Variants in MAP1B observed in about 807,000 individuals in gnomAD.
The protein encoded by MAP1B is microtubule-associated protein 1B.
In MAP1B, 12 loss-of-function variants were observed where a neutral mutation model predicts 176.1. The observed-to-expected ratio is 0.07, with a 90% confidence interval of 0.04 to 0.11. The LOEUF is 0.11. MAP1B is among the 10% of genes least tolerant of loss of function. The pLI is 1.00. For synonymous variants in MAP1B, 1,044 were observed against 1,135.0 expected (o/e 0.92, Z 1.61); for missense variants, 2,523 against 2,990.5 (o/e 0.84, Z 3.65).
chr5:72,146,091 A>G (rs1312732304), intron 2 of MAP1B, among the ~76,000 whole-genome samples: 2 of 152,236 alleles, frequency 1.3e-5, no homozygotes, highest in African/African-American at 2.4e-5. Context: ...ACAAGAAAGT[A>G]GCCTATTAGT....
chr5:72,165,878 G>C (rs2112186500), intron 2 of MAP1B, among the ~76,000 whole-genome samples: 1 of 152,298 alleles, frequency 6.6e-6, no homozygotes, highest in South Asian at 2.1e-4. Flanking sequence ...GACAGAGCAA[G>C]CTACAAAGCC....
At chr5:72,193,721 C>A (rs1422052652) in intron 4 of MAP1B, 145 bp from the exon 5 acceptor site, 1 of 896,950 alleles carries the variant, frequency 1.1e-6, no homozygotes, top group African/African-American at 1.7e-5. Flanking sequence ...TTTAAGCAAC[C>A]AACATCACTA....
chr5:72,121,068 G>A (rs997270230), intron 2 of MAP1B, among the ~76,000 whole-genome samples: 3 of 152,182 alleles, frequency 2.0e-5, no homozygotes, highest in East Asian at 1.9e-4. Context: ...GCAAAAAGCC[G>A]GCAATGCTTT....
intron 2 of MAP1B, among the ~76,000 whole-genome samples, chr5:72,145,575 A>G (rs952720280): frequency 7.2e-5 from 11 of 152,366 alleles, no homozygotes; most frequent in African/African-American, 1.7e-4. Context: ...CAGTGTTTGC[A>G]TAATCAGCAA....
chr5:72,200,373 T>A lies in MAP1B; in HGVS notation c.7012+6T>A, dbSNP rs1204090967. 1.9e-6 allele frequency: 3 copies of A among 1,611,646 alleles called. No homozygotes were observed. Among genetic ancestry groups the A allele is most frequent in the Non-Finnish European group, 2.5e-6 (3 of 1,179,114 alleles). ...GGCCAAGACCGCCACTGCAGGTAGG[T>A]TGAGAAGGCTGGGCATTGGATATAT... On this transcript the variant is annotated splice_donor_region_variant and intron_variant, in intron 5 of 6. Transcript: ENST00000296755.
At chr5:72,139,505 C>T (rs1157296389) in intron 2 of MAP1B, among the ~76,000 whole-genome samples, 2 of 152,202 alleles carry the variant, frequency 1.3e-5, no homozygotes, top group African/African-American at 2.4e-5. Flanking sequence ...AGATGTAAGT[C>T]TCCGGGGTGT....
chr5:72,128,331 G>T (rs1244450770), intron 2 of MAP1B, among the ~76,000 whole-genome samples: 1 of 151,440 alleles, frequency 6.6e-6, no homozygotes, highest in Non-Finnish European at 1.5e-5. Context: ...ATATGATTGT[G>T]CTTCAATATA....
chr5:72,199,056 G>A lies in MAP1B; in HGVS notation c.5701G>A (p.Val1901Met). Residue 1901 changes from valine (V) to methionine (M), a missense_variant, in exon 5 of 7, where the codon GTG becomes ATG. Physicochemically the swap from Val to Met is conservative, Grantham distance 21. Around this residue, in one of 4 missense-constraint regions of MAP1B, gnomAD observed 1,925 missense variants for 2,126.0 expected, o/e 0.91. Transcript: ENST00000296755. The surrounding 1 kb of genome is among the most constrained non-coding windows in gnomAD (Gnocchi z 4.2). ...TGAGAAGACCACCCGGACCTCAGAT[G>A]TGGGTGGCTATTACTATGAGAAGAT... ...SYEKTTRTSD[V>M]GGYYYEKIER... 1 of 1,614,148 alleles carries A rather than the reference G, an allele frequency of 6.2e-7. No homozygotes were observed. The highest frequency in any genetic ancestry group is 8.5e-7 in the Non-Finnish European group (1 of 1,180,000).
chr5:72,142,383 A>AG (rs1224802679), intron 2 of MAP1B, among the ~76,000 whole-genome samples: 3 of 152,176 alleles, frequency 2.0e-5, no homozygotes, highest in African/African-American at 7.2e-5. Context: ...GGCAAGGAGG[A>AG]GGGGCAGGTA....
rs774056831 is a variant in MAP1B, at chr5:72,107,714, C to T, written c.183C>T (p.Leu61=). 3 of 1,598,542 alleles carry T rather than the reference C, an allele frequency of 1.9e-6. No homozygotes were observed. The African/African-American group carries it at 4.0e-5, about 21-fold the overall frequency. The change falls in exon 1 of 7, where the codon CTC becomes CTT. Residue 61 remains leucine, a splice_region_variant and synonymous_variant. Coordinates refer to ENST00000296755, the MANE Select transcript of MAP1B (RefSeq NM_005909.5). The stretch of plus-strand genomic sequence containing the variant: ...GGCGTGCCATCGGCAACATCGAGCT[C>T]GGTAAGTGGCCCCGCGCCCCCAGAG... The part of the protein sequence containing the change: ...HLRRAIGNIE[L]GIRSWDTNLI...
intron 2 of MAP1B, among the ~76,000 whole-genome samples, chr5:72,154,590 A>C (rs1746197004): frequency 6.6e-6 from 1 of 152,056 alleles, no homozygotes; most frequent in Admixed American, 6.5e-5. Flanking sequence ...TGCCAACCAG[A>C]GTTTTCCTGA....
rs1296526338 is a variant in MAP1B, at chr5:72,196,045, C to T, written c.2690C>T (p.Thr897Ile). ...GCCGAGTCCCCTGATGAGGGAATCA[C>T]TACCACTGAAGGGGAGGGCGAATGT... ...GPAESPDEGI[T>I]TTEGEGECEQ... Residue 897 changes from threonine to isoleucine, a missense_variant, in exon 5 of 7, where the codon ACT becomes ATT. Thr to Ile is a moderately conservative substitution (Grantham distance 89). Around this residue, in one of 4 missense-constraint regions of MAP1B, gnomAD observed 1,925 missense variants for 2,126.0 expected, o/e 0.91. Transcript: ENST00000296755. The surrounding 1 kb of genome is among the most constrained non-coding windows in gnomAD (Gnocchi z 5.3). The T allele has an allele frequency of 1.9e-6, 3 of 1,614,072 alleles. No homozygotes were observed. In the African/African-American group the frequency reaches 4.0e-5, roughly 22 times the overall value.
chr5:72,203,386 G>A (rs1747373348), intron 5 of MAP1B, among the ~76,000 whole-genome samples, 177 bp from the exon 6 acceptor site: 1 of 152,162 alleles, frequency 6.6e-6, no homozygotes, highest in South Asian at 2.1e-4. Context: ...CACATTGCTA[G>A]CGTAAATGCC....
At chr5:72,179,220 G>T (rs1056162655) in intron 2 of MAP1B, among the ~76,000 whole-genome samples, 1 of 152,164 alleles carries the variant, frequency 6.6e-6, no homozygotes, top group East Asian at 1.9e-4. Flanking sequence ...TTTTTCTTAT[G>T]AAGCGATAAG....
chr5:72,115,921 A>T, intron 2 of MAP1B, 122 bp downstream of exon 2: 1 of 674,288 alleles, frequency 1.5e-6, no homozygotes, highest in Non-Finnish European at 2.6e-6. Flanking sequence ...TGTATTTGTT[A>T]TTATCAACTA....
intron 1 of MAP1B, among the ~76,000 whole-genome samples, chr5:72,113,602 A>G (rs1212692726): frequency 1.3e-5 from 2 of 152,244 alleles, no homozygotes. Flanking sequence ...AAGTCATTCA[A>G]ATAATGTACC....
At chr5:72,116,574 T>G (rs549539266) in intron 2 of MAP1B, 81 of 280,590 alleles carry the variant, frequency 2.9e-4, no homozygotes, top group Non-Finnish European at 3.5e-4. Flanking sequence ...CCATCTCGTC[T>G]TCTTCTTGTG....
At chr5:72,144,301 G>A (rs770395138) in intron 2 of MAP1B, among the ~76,000 whole-genome samples, 23 of 152,188 alleles carry the variant, frequency 1.5e-4, no homozygotes, top group Admixed American at 6.5e-4. Context: ...GGAGTCTTCC[G>A]TCGTATAAAG....
chr5:72,145,682 A>C (rs770073912), intron 2 of MAP1B, among the ~76,000 whole-genome samples: 7 of 152,178 alleles, frequency 4.6e-5, no homozygotes, highest in Non-Finnish European at 8.8e-5. Flanking sequence ...GAAGCAGTGA[A>C]GTGTTGGTGG....
Sources: gnomAD v4.1 joint callset for allele counts (sites outside exome capture counted in the v4.1 genomes callset) on GRCh38, gnomAD v4.1.1 for gene constraint, gnomAD v4.1.1 regional missense constraint, Gnocchi (gnomAD v3.1) non-coding constraint, MANE v1.5 for transcripts, NCBI Gene and HGNC (gene_info 2026-07-23, HGNC 2026-07-21) for gene names.